COL15A1: variants seen among roughly 807,000 people sequenced by gnomAD.
COL15A1 encodes collagen type XV alpha 1 chain.
COL15A1 carries 111 observed loss-of-function variants against 165.9 expected under a neutral mutation model. That is an observed-to-expected ratio of 0.67 (90% CI 0.57 to 0.78). COL15A1 has a LOEUF of 0.78. COL15A1 is among the 30% of genes least tolerant of loss of function. The pLI is 0.00. For synonymous variants in COL15A1, 659 were observed against 674.8 expected (o/e 0.98, Z 0.36); for missense variants, 1,745 against 1,789.7 (o/e 0.98, Z 0.45).
chr9:99,027,945 A>AC (rs1323983034), intron 16 of COL15A1, among the ~76,000 whole-genome samples: 23 of 152,370 alleles, frequency 1.5e-4, no homozygotes, highest in Admixed American at 1.3e-3. Context: ...AAGGAAATGA[A>AC]CAGCTTCAGG....
In COL15A1 at chr9:99,003,503, T is replaced by C. The variant is rs747180642; in HGVS notation, c.1116T>C (p.Ala372=). The C allele has an allele frequency of 6.4e-7, 1 of 1,568,854 alleles. No homozygotes were observed. Among genetic ancestry groups the C allele is most frequent in the Non-Finnish European group, 8.6e-7 (1 of 1,157,924 alleles). The change falls in exon 8 of 42, where the codon GCT becomes GCC. Residue 372 remains alanine (A), a synonymous_variant. Transcript: ENST00000375001. The part of the protein sequence containing the change: ...AGLAEVPIST[A]GEAEASSVPT... The stretch of plus-strand genomic sequence containing the variant: ...TGGCCGAGGTGCCCATCAGCACTGC[T>C]GGAGAAGCAGAGGCCAGCAGTGTGC...
intron 11 of COL15A1, among the ~76,000 whole-genome samples, chr9:99,018,997 CAG>C (rs1475611831): frequency 6.6e-6 from 1 of 152,018 alleles, no homozygotes; most frequent in Non-Finnish European, 1.5e-5. Context: ...GAGACAGACA[CAG>C]AGAGAGTTAG....
chr9:99,049,644 T>TC (rs1839550084), intron 28 of COL15A1, 46 bp from the exon 29 acceptor site: 1 of 1,609,214 alleles, frequency 6.2e-7, no homozygotes, highest in East Asian at 2.2e-5. Context: ...GCCCCTGCAT[T>TC]CACAACAACC....
intron 2 of COL15A1, among the ~76,000 whole-genome samples, chr9:98,950,503 TCCTTCCTTCCTTCCCTTC>T (rs1219571469): frequency 8.6e-6 from 1 of 115,722 alleles, no homozygotes; most frequent in Non-Finnish European, 1.8e-5. Context: ...CTCCCTCCCT[TCCTTCCTTCCTTCCCTTC>T]CCTTCCTTCC....
In COL15A1 at chr9:98,986,101, G is replaced by C. The variant is rs144123375; in HGVS notation, c.637G>C (p.Glu213Gln). ...FMGNAGATGL[E>Q]RFTGSLQQLT... is the part of the protein sequence containing the mutation. ...GGGCAATGCAGGAGCTACAGGGCTCGAGAGATTCACTGTGAGTTAAAGTCC... is the reference window on the plus strand; with the variant it reads ...GGGCAATGCAGGAGCTACAGGGCTCCAGAGATTCACTGTGAGTTAAAGTCC... The change falls in exon 3 of 42, where the codon GAG becomes CAG. Residue 213 changes from glutamate (E) to glutamine (Q), a missense_variant. Glu to Gln is a conservative substitution (Grantham distance 29). Transcript: ENST00000375001. 1.9e-6 allele frequency: 3 copies of C among 1,612,472 alleles called. No homozygotes were observed. Among genetic ancestry groups the C allele is most frequent in the Non-Finnish European group, 2.5e-6 (3 of 1,179,134 alleles).
intron 21 of COL15A1, among the ~76,000 whole-genome samples, 158 bp from the exon 22 acceptor site, chr9:99,038,510 A>T (rs1022811450): frequency 2.6e-5 from 4 of 152,198 alleles, no homozygotes; most frequent in African/African-American, 9.7e-5. Flanking sequence ...TTTTATAAGA[A>T]GGGGGAGGGA....
chr9:98,983,890 A>T (rs1838267256), intron 2 of COL15A1, among the ~76,000 whole-genome samples: 1 of 152,156 alleles, frequency 6.6e-6, no homozygotes, highest in Non-Finnish European at 1.5e-5. Context: ...TGTGTCCAAT[A>T]AGATGGTGGC....
intron 2 of COL15A1, among the ~76,000 whole-genome samples, chr9:98,983,182 C>T (rs1838257720): frequency 6.6e-6 from 1 of 152,160 alleles, no homozygotes; most frequent in Non-Finnish European, 1.5e-5. Context: ...GGTGAGCAGC[C>T]TTCTCTGTGA....
chr9:99,057,563 C>T (rs1481066030), intron 35 of COL15A1, among the ~76,000 whole-genome samples: 1 of 152,126 alleles, frequency 6.6e-6, no homozygotes, highest in East Asian at 1.9e-4. Context: ...CACAACAACA[C>T]TTTAAAAAAA....
At chr9:98,993,534 G>A (rs55996120) in intron 5 of COL15A1, among the ~76,000 whole-genome samples, 9,138 of 152,234 alleles carry the variant, frequency 0.06, 409 homozygotes, top group Non-Finnish European at 0.089. Context: ...CACAGTTCAC[G>A]CTCTTCCACA....
chr9:98,984,667 C>T (rs1838280589), intron 2 of COL15A1, among the ~76,000 whole-genome samples: 1 of 152,228 alleles, frequency 6.6e-6, no homozygotes, highest in Non-Finnish European at 1.5e-5. Flanking sequence ...AAGGCGATGA[C>T]AATGACGCAA....
chr9:98,956,131 T>G (rs1837771648), intron 2 of COL15A1, among the ~76,000 whole-genome samples: 1 of 152,100 alleles, frequency 6.6e-6, no homozygotes, highest in Non-Finnish European at 1.5e-5. Flanking sequence ...CATGACAAAA[T>G]CTTGCCTTTA....
chr9:98,960,638 C>T (rs1289797926), intron 2 of COL15A1, among the ~76,000 whole-genome samples: 1 of 152,172 alleles, frequency 6.6e-6, no homozygotes, highest in East Asian at 1.9e-4. Context: ...GTTCCAGGCT[C>T]TGCATGTATC....
At chr9:98,994,477 A>G (rs1289675205) in intron 5 of COL15A1, among the ~76,000 whole-genome samples, 1 of 151,986 alleles carries the variant, frequency 6.6e-6, no homozygotes, top group Non-Finnish European at 1.5e-5. Flanking sequence ...GGAGGCCATT[A>G]TTTAGCTAAG....
intron 9 of COL15A1, 110 bp from the exon 10 acceptor site, chr9:99,015,307 G>A: frequency 1.4e-6 from 1 of 730,664 alleles, no homozygotes; most frequent in South Asian, 1.6e-5. Flanking sequence ...AGGGAATCAT[G>A]GAGCCTCCAG....
chr9:99,028,936 C>T (rs1378571893), intron 16 of COL15A1, among the ~76,000 whole-genome samples: 1 of 152,160 alleles, frequency 6.6e-6, no homozygotes, highest in East Asian at 1.9e-4. Flanking sequence ...ATATTCCTTA[C>T]TTTATTTTTC....
chr9:99,001,233 T>A (rs555664394), intron 7 of COL15A1, among the ~76,000 whole-genome samples: 1 of 152,298 alleles, frequency 6.6e-6, no homozygotes, highest in South Asian at 2.1e-4. Flanking sequence ...AACCCCGCCC[T>A]CCTGCTCAGT....
chr9:99,066,389 C>G (rs557091919), intron 39 of COL15A1, among the ~76,000 whole-genome samples: 5 of 152,236 alleles, frequency 3.3e-5, no homozygotes, highest in African/African-American at 1.2e-4. Context: ...TGGCTTTCTC[C>G]CAGATCCCTC....
intron 2 of COL15A1, among the ~76,000 whole-genome samples, chr9:98,975,672 T>C (rs1431283842): frequency 1.3e-5 from 2 of 152,332 alleles, no homozygotes; most frequent in African/African-American, 4.8e-5. Flanking sequence ...ACCGTCTGAT[T>C]TCTCCTCTCT....
Sources: gnomAD v4.1 joint callset for allele counts (sites outside exome capture counted in the v4.1 genomes callset) on GRCh38, gnomAD v4.1.1 for gene constraint, MANE v1.5 for transcripts, NCBI Gene and HGNC (gene_info 2026-07-23, HGNC 2026-07-21) for gene names.